ANO9: variants seen among roughly 807,000 people sequenced by gnomAD.
ANO9 encodes anoctamin 9.
In ANO9, 80 loss-of-function variants were observed where a neutral mutation model predicts 100.5. The ratio of observed to expected loss-of-function variants is 0.80; its 90% CI spans 0.66 to 0.96. The LOEUF is 0.96. Ranked by LOEUF, ANO9 falls within the 40% of genes least tolerant of loss-of-function variation. The pLI, the probability that ANO9 is intolerant of heterozygous loss-of-function variation, is 0.00. For synonymous variants in ANO9, 473 were observed against 435.6 expected (o/e 1.09, Z -1.07); for missense variants, 1,064 against 1,072.7 (o/e 0.99, Z 0.11).
At chr11:439,221 A>G (rs746115938) in intron 1 of ANO9, among the ~76,000 whole-genome samples, 29 of 152,112 alleles carry the variant, frequency 1.9e-4, no homozygotes, top group Non-Finnish European at 3.2e-4. Flanking sequence ...GGCCCCAGGG[A>G]GTTTGTGGGG....
rs1329501823 is a variant in ANO9 at position 421,456 on chromosome 11, C to G, written c.1335-258G>C. ...GTGGGCGCGCGCACACACACACACA[C>G]CCCCACACAGGGGAGGCCACAGGCT... On this transcript the variant is annotated intron_variant, in intron 15 of 22. Transcript: ENST00000332826. This position sits in a 1 kb window ranked among gnomAD's most constrained non-coding sequence, Gnocchi z 6.8. Among the ~76,000 whole-genome samples, 1 of 112,056 alleles carries G rather than the reference C, an allele frequency of 8.9e-6. No individual in the cohort carries two copies. The highest frequency in any genetic ancestry group is 1.8e-5 in the Non-Finnish European group (1 of 54,146). The allele number at this position is 112,056 out of a possible 152,430, so 73.5% of individuals were successfully genotyped here.
rs1436097695 is a variant in ANO9, at chr11:433,592, C to T, written c.205-133G>A. The T allele has an allele frequency of 3.4e-6, 5 of 1,452,784 alleles. No individual in the cohort carries two copies. In the African/African-American group the frequency reaches 4.7e-5, roughly 14 times the overall value. The allele number at this position is 1,452,784 out of a possible 1,614,324, so 90.0% of individuals were successfully genotyped here. ...CGCCTCAGAACCCTCCCTTCATCTG[C>T]CGCTGTGGCCCAGAGCCACGGAGCT... On this transcript the variant is annotated intron_variant, in intron 3 of 22. Coordinates refer to ENST00000332826, the MANE Select transcript of ANO9 (RefSeq NM_001012302.3).
intron 15 of ANO9, among the ~76,000 whole-genome samples, chr11:424,236 A>G (rs1443785459): frequency 6.6e-6 from 1 of 152,226 alleles, no homozygotes; most frequent in Non-Finnish European, 1.5e-5. Flanking sequence ...TGGCATGAAA[A>G]AATAGAACCA....
At chr11:436,253 G>T (rs542653314) in intron 1 of ANO9, among the ~76,000 whole-genome samples, 111 of 152,080 alleles carry the variant, frequency 7.3e-4, no homozygotes, top group African/African-American at 2.6e-3. Flanking sequence ...TTTTAGTAGA[G>T]ACAGGGTTTC....
chr11:429,448 TG>T, intron 11 of ANO9, 121 bp downstream of exon 11: 1 of 1,503,738 alleles, frequency 6.7e-7, no homozygotes, highest in East Asian at 2.5e-5. Flanking sequence ...GCCCCACATG[TG>T]GGGAGACAGA....
Position 420,714 on chromosome 11 carries a change from G to T in ANO9, c.1633+4C>A. ...CGAACCCCCGCCCCGCAGCGCCCACGCACTCATCTCCATGAACTCGTCGAA... is the reference window on the plus strand; with the variant it reads ...CGAACCCCCGCCCCGCAGCGCCCACTCACTCATCTCCATGAACTCGTCGAA... On this transcript the variant is annotated splice_donor_region_variant and intron_variant, in intron 18 of 22. Transcript: ENST00000332826. 1 of 1,606,956 alleles carries T rather than the reference G, an allele frequency of 6.2e-7. No homozygotes were observed. Among genetic ancestry groups the T allele is most frequent in the Non-Finnish European group, 8.5e-7 (1 of 1,177,478 alleles).
Position 420,797 on chromosome 11 carries a change from G to A in ANO9, c.1554C>T (p.Pro518=), listed in dbSNP as rs752954745. 6.3e-7 allele frequency: 1 copy of A among 1,596,844 alleles called. No individual in the cohort carries two copies. Among genetic ancestry groups the A allele is most frequent in the Non-Finnish European group, 8.5e-7 (1 of 1,174,704 alleles). Residue 518 remains proline (P), a synonymous_variant, in exon 18 of 23, where the codon CCC becomes CCT. Transcript: ENST00000332826. ...AGTTGCGCCGCCAGTCCCTGAGCTC[G>A]GGGTCCCGGGGCAGGTGCCCGGACT... ...ASESGHLPRD[P]ELRDWRRNYL...
chr11:433,720 C>T, intron 3 of ANO9, 95 bp downstream of exon 3: 8 of 1,478,084 alleles, frequency 5.4e-6, no homozygotes, highest in Non-Finnish European at 7.2e-6. Flanking sequence ...CAGCCCTGCC[C>T]CTCGCTGGGC....
chr11:421,370 G>T lies in ANO9; in HGVS notation c.1335-172C>A. ...ATGAACCGCACCCGCACGTGGGCAC[G>T]CACACACACACACACACACACAGGG... On this transcript the variant is annotated intron_variant, in intron 15 of 22. Coordinates refer to ENST00000332826, the MANE Select transcript of ANO9 (RefSeq NM_001012302.3). This position sits in a 1 kb window ranked among gnomAD's most constrained non-coding sequence, Gnocchi z 6.8. 1 of 520,024 alleles carries T rather than the reference G, an allele frequency of 1.9e-6. No individual in the cohort carries two copies. The highest frequency in any genetic ancestry group is 3.3e-6 in the Non-Finnish European group (1 of 304,328). The allele number at this position is 520,024 out of a possible 1,614,324, so 32.2% of individuals were successfully genotyped here.
intron 15 of ANO9, among the ~76,000 whole-genome samples, chr11:426,292 A>C (rs967442995): frequency 2.6e-5 from 4 of 152,098 alleles, no homozygotes; most frequent in Admixed American, 2.0e-4. Flanking sequence ...TTGAGACTGC[A>C]GGTGCGGTAG....
At position 430,348 on chromosome 11, in the gene ANO9, A is replaced by G; in HGVS notation, c.595T>C (p.Tyr199His). Reference protein sequence around the residue: ...LYFVWLGWYTYMLVPAALTGL... With the variant: ...LYFVWLGWYTHMLVPAALTGL... ...GTCAGGGCGGCCGGCACCAGCATGT[A>G]GGTGTACCAGCCCAGCCAGACGAAG... Residue 199 changes from tyrosine to histidine, a missense_variant, in exon 8 of 23, where the codon TAC becomes CAC. Physicochemically the swap from Tyr to His is moderately conservative, Grantham distance 83. Transcript: ENST00000332826. 3 of 1,608,590 alleles carry G rather than the reference A, an allele frequency of 1.9e-6. No homozygotes were observed. The highest frequency in any genetic ancestry group is 8.5e-7 in the Non-Finnish European group (1 of 1,178,666).
In ANO9 at chr11:432,943, A is replaced by T; in HGVS notation, c.350+371T>A. ...TTGGAGGCCAGGGACGGTGTCCAGG[A>T]AGGGGCATCGGAACTGGAGAGGAGG... On this transcript the variant is annotated intron_variant, in intron 4 of 22. Transcript: ENST00000332826. The surrounding 1 kb of genome is among the most constrained non-coding windows in gnomAD (Gnocchi z 4.8). The T allele has an allele frequency of 4.6e-6, 1 of 215,102 alleles. No individual in the cohort carries two copies. Among genetic ancestry groups the T allele is most frequent in the Non-Finnish European group, 9.1e-6 (1 of 110,022 alleles). The allele number at this position is 215,102 out of a possible 1,614,324, so 13.3% of individuals were successfully genotyped here.
intron 1 of ANO9, among the ~76,000 whole-genome samples, chr11:437,334 C>T (rs935250239): frequency 3.9e-5 from 6 of 152,166 alleles, no homozygotes; most frequent in East Asian, 1.9e-4. Flanking sequence ...TCCGACGCCC[C>T]GGTCACAGGG....
Position 430,289 on chromosome 11 carries a change from C to A in ANO9, c.654G>T (p.Leu218=), listed in dbSNP as rs1590467200. ...CCCACCTGATCTGGCTGGCCTCAAACAGCGAGAATCCGCTCAGAAAGACTA... is the reference window on the plus strand; with the variant it reads ...CCCACCTGATCTGGCTGGCCTCAAAAAGCGAGAATCCGCTCAGAAAGACTA... ...GLLVFLSGFS[L]FEASQISKEI... is the part of the protein sequence containing the mutation. Residue 218 remains leucine, a synonymous_variant, in exon 8 of 23, where the codon CTG becomes CTT. Coordinates refer to ENST00000332826, the MANE Select transcript of ANO9 (RefSeq NM_001012302.3). 1.3e-6 allele frequency: 2 copies of A among 1,586,304 alleles called. No individual in the cohort carries two copies. The highest frequency in any genetic ancestry group is 2.3e-5 in the East Asian group (1 of 43,410).
intron 19 of ANO9, chr11:420,204 T>G (rs1564903566): frequency 7.1e-7 from 1 of 1,401,274 alleles, no homozygotes; most frequent in Non-Finnish European, 9.3e-7. Flanking sequence ...AGAACCTGGG[T>G]CCCCCTTGGG....
chr11:428,494 G>A lies in ANO9; in HGVS notation c.1166C>T (p.Thr389Ile), dbSNP rs745498518. 1.2e-6 allele frequency: 2 copies of A among 1,612,618 alleles called. No individual in the cohort carries two copies. The highest frequency in any genetic ancestry group is 1.7e-6 in the Non-Finnish European group (2 of 1,179,856). ...VVTGALVHYV[T>I]IIIMTKINRC... is the part of the protein sequence containing the mutation. ...CCCCACCTTGGTCATGATGATGATGGTCACATAGTGCACCAGAGCCCCGGT... is the reference window on the plus strand; with the variant it reads ...CCCCACCTTGGTCATGATGATGATGATCACATAGTGCACCAGAGCCCCGGT... The change falls in exon 13 of 23, where the codon ACC becomes ATC. Residue 389 changes from threonine (T) to isoleucine (I), a missense_variant. Physicochemically the swap from Thr to Ile is moderately conservative, Grantham distance 89 (BLOSUM62 -1). Transcript: ENST00000332826.
rs893423767 is a variant in ANO9 at position 421,260 on chromosome 11, G to T, written c.1335-62C>A. 48 of 1,441,794 alleles carry T rather than the reference G, an allele frequency of 3.3e-5. No homozygotes were observed. The highest frequency in any genetic ancestry group is 4.2e-5 in the Non-Finnish European group (46 of 1,089,286). 89.3% of individuals were successfully genotyped at this position (1,441,794 alleles called of 1,614,324 possible). ...GCGCCCTGCCTCTGACAGGGTGGGT[G>T]CAGCAGGACAGAAGCGGGTAGGAAA... On this transcript the variant is annotated intron_variant, in intron 15 of 22. Transcript: ENST00000332826. This position sits in a 1 kb window ranked among gnomAD's most constrained non-coding sequence, Gnocchi z 6.8.
chr11:439,584 G>T (rs956378313), intron 1 of ANO9, among the ~76,000 whole-genome samples: 1 of 85,212 alleles, frequency 1.2e-5, no homozygotes, highest in Non-Finnish European at 2.1e-5. Flanking sequence ...AAGGTGTTTG[G>T]GCCTCATCTC....
chr11:418,610 G>A (rs753604216), intron 22 of ANO9, 21 bp from the exon 23 acceptor site: 3 of 1,612,030 alleles, frequency 1.9e-6, no homozygotes, highest in African/African-American at 1.3e-5. Context: ...CACAGGAGAG[G>A]CCCAGCACGG....
Sources: gnomAD v4.1 joint callset for allele counts (sites outside exome capture counted in the v4.1 genomes callset) on GRCh38, gnomAD v4.1.1 for gene constraint, Gnocchi (gnomAD v3.1) non-coding constraint, MANE v1.5 for transcripts, NCBI Gene and HGNC (gene_info 2026-07-23, HGNC 2026-07-21) for gene names.